NCOR1: variants seen among roughly 807,000 people sequenced by gnomAD.
NCOR1 encodes the protein protein phosphatase 1, regulatory subunit 109.
NCOR1 carries 63 observed loss-of-function variants against 288.1 expected under a neutral mutation model. That is an observed-to-expected ratio of 0.22 (90% CI 0.18 to 0.27). The LOEUF (loss-of-function observed/expected upper bound fraction) is 0.27, where lower values mean the gene tolerates loss of function less well. NCOR1 is among the 10% of genes least tolerant of loss of function. NCOR1 has a pLI of 1.00. For missense variants in NCOR1, 2,397 were observed against 3,019.2 expected, an observed-to-expected ratio of 0.79 and a Z score of 4.83; for synonymous variants, 1,007 against 1,065.9, an observed-to-expected ratio of 0.94 and a Z score of 1.08.
chr17:16,160,993 T>C (rs534911203), intron 5 of NCOR1, among the ~76,000 whole-genome samples: 8 of 152,214 alleles, frequency 5.3e-5, no homozygotes, highest in Non-Finnish European at 7.4e-5. Context: ...ACACTTCCAC[T>C]TTGGAATTAT....
intron 40 of NCOR1, among the ~76,000 whole-genome samples, chr17:16,051,494 C>T (rs2059304233): frequency 6.6e-6 from 1 of 152,176 alleles, no homozygotes; most frequent in Admixed American, 6.5e-5. Flanking sequence ...ACAGCTAAGG[C>T]AGTGTTGACA....
intron 10 of NCOR1, among the ~76,000 whole-genome samples, chr17:16,145,856 G>T (rs992774668): frequency 1.3e-5 from 2 of 152,202 alleles, no homozygotes; most frequent in African/African-American, 2.4e-5. Flanking sequence ...GACTAGAGAG[G>T]GGGGGAAATG....
intron 44 of NCOR1, 78 bp from the exon 45 acceptor site, chr17:16,035,022 C>G: frequency 1.5e-6 from 2 of 1,369,812 alleles, no homozygotes; most frequent in Non-Finnish European, 2.0e-6. Flanking sequence ...TTATATATTG[C>G]TAAATGAAAA....
chr17:16,156,300 G>A (rs776350068), intron 6 of NCOR1, among the ~76,000 whole-genome samples: 7 of 152,034 alleles, frequency 4.6e-5, no homozygotes, highest in Non-Finnish European at 8.8e-5. Context: ...GCTGACTGTG[G>A]TGGCTCACAC....
At chr17:16,132,893 C>T (rs2075858241) in intron 14 of NCOR1, among the ~76,000 whole-genome samples, 1 of 150,272 alleles carries the variant, frequency 6.7e-6, no homozygotes, top group South Asian at 2.1e-4. Flanking sequence ...CCTTCCTTTC[C>T]CTCCTTCCTT....
intron 40 of NCOR1, chr17:16,049,233 A>G (rs2059025748): frequency 7.1e-6 from 2 of 282,712 alleles, no homozygotes; most frequent in Non-Finnish European, 1.3e-5. Flanking sequence ...GAGTCACGTC[A>G]TCAGACAGTG....
chr17:16,186,464 G>C, intron 3 of NCOR1, 90 bp downstream of exon 3: 1 of 1,378,586 alleles, frequency 7.3e-7, no homozygotes, highest in South Asian at 1.5e-5. Context: ...TCATGGCTTG[G>C]TTAATAAAAA....
rs1006204119 is a variant in NCOR1, at chr17:16,054,727, C to T, written c.6392+2787G>A. On this transcript the variant is annotated intron_variant, in intron 40 of 45. Transcript: ENST00000268712. ...GGTAGATCAGCTGAGGTCAGGAGTT[C>T]GAGACCAGCCTGGCCAACATAGTGA... 4.6e-5 allele frequency among the ~76,000 whole-genome samples: 7 copies of T among 151,976 alleles called. No homozygotes were observed. In the South Asian group the frequency reaches 1.0e-3, roughly 23 times the overall value.
chr17:16,069,578 T>C (rs1198963000), intron 31 of NCOR1, among the ~76,000 whole-genome samples: 1 of 152,218 alleles, frequency 6.6e-6, no homozygotes, highest in Non-Finnish European at 1.5e-5. Context: ...ACAACAATAA[T>C]AACAACAGTA....
rs1242300567 is a variant in NCOR1 at position 16,039,491 on chromosome 17, G to A, written c.6897C>T (p.Thr2299=). Residue 2299 remains threonine (T), a synonymous_variant, in exon 44 of 46, where the codon ACC becomes ACT. Coordinates refer to ENST00000268712, the MANE Select transcript of NCOR1 (RefSeq NM_006311.4). The part of the protein sequence containing the change: ...PMGVVPGTAN[T]SVVTSGETRR... ...GTGTCTCACCACTGGTCACAACTGA[G>A]GTGTTGGCAGTACCAGGCACTACTC... 2 of 1,614,060 alleles carry A rather than the reference G, an allele frequency of 1.2e-6. No homozygotes were observed. The highest frequency in any genetic ancestry group is 4.5e-5 in the East Asian group (2 of 44,874).
chr17:16,085,147 A>T (rs1198492925), intron 23 of NCOR1, among the ~76,000 whole-genome samples: 1 of 152,262 alleles, frequency 6.6e-6, no homozygotes, highest in Non-Finnish European at 1.5e-5. Flanking sequence ...TCATAGGTGT[A>T]CAAATGGCCA....
At chr17:16,044,289 T>C (rs1006201031) in intron 42 of NCOR1, among the ~76,000 whole-genome samples, 15 of 152,092 alleles carry the variant, frequency 9.9e-5, no homozygotes, top group Admixed American at 9.2e-4. Flanking sequence ...ACCTAGTAAT[T>C]AAGAGCGAGG....
intron 9 of NCOR1, among the ~76,000 whole-genome samples, chr17:16,148,192 T>C (rs1404121538): frequency 2.6e-5 from 4 of 152,170 alleles, no homozygotes; most frequent in Non-Finnish European, 5.9e-5. Flanking sequence ...TGGCTCTGGC[T>C]TCCCTCAGCA....
rs1295863022 is a variant in NCOR1 at position 16,092,675 on chromosome 17, ATATATATATATATATATATATTT to A, written c.2821-640_2821-618del. Among the ~76,000 whole-genome samples, 8 of 18,210 alleles carry A rather than the reference ATATATATATATATATATATATTT, an allele frequency of 4.4e-4. 1 individual carries two copies. The highest frequency in any genetic ancestry group is 6.4e-4 in the Non-Finnish European group (7 of 10,858). The allele number at this position is 18,210 out of a possible 152,430, so 11.9% of individuals were successfully genotyped here. ...TATATATATATATATATATATATAT[ATATATATATATATATATATATTT>A]TTTTTTTTTTTTTTTTTTAAGACAT... On this transcript the variant is annotated intron_variant, in intron 21 of 45. Transcript: ENST00000268712.
intron 45 of NCOR1, among the ~76,000 whole-genome samples, chr17:16,032,966 G>T (rs999738237): frequency 3.3e-5 from 5 of 152,192 alleles, no homozygotes; most frequent in Non-Finnish European, 7.4e-5. Context: ...ACAAGATTGA[G>T]AAATGAGGTA....
chr17:16,127,820 T>C (rs1223105225), intron 14 of NCOR1, among the ~76,000 whole-genome samples: 1 of 151,490 alleles, frequency 6.6e-6, no homozygotes, highest in African/African-American at 2.4e-5. Flanking sequence ...CTGGGAGTGT[T>C]GGAACATATC....
chr17:16,134,118 G>T lies in NCOR1; in HGVS notation c.1509+3193C>A, dbSNP rs539461615. 4.1e-3 allele frequency among the ~76,000 whole-genome samples: 630 copies of T among 152,188 alleles called. 7 individuals are homozygous for T. Among genetic ancestry groups the T allele is most frequent in the African/African-American group, 0.015 (608 of 41,516 alleles). On this transcript the variant is annotated intron_variant, in intron 14 of 45. Transcript: ENST00000268712. ...ACCCCAGTGGCTTCTTCTCTCACCT[G>T]GTATCAGCTCAAAAGGCCTTCAGTT... is the stretch of plus-strand genomic sequence containing the variant.
rs762318164 is a variant in NCOR1, at chr17:16,065,623, C to T, written c.4813G>A (p.Ala1605Thr). 2 of 1,614,170 alleles carry T rather than the reference C, an allele frequency of 1.2e-6. No homozygotes were observed. The highest frequency in any genetic ancestry group is 1.7e-6 in the Non-Finnish European group (2 of 1,180,034). Reference sequence around the variant, plus strand: ...ATTGTCTGTCTTGTGTTCTCCATTGCGTAAAGCTGATACTGACTTGGGTAA... The same window carrying T: ...ATTGTCTGTCTTGTGTTCTCCATTGTGTAAAGCTGATACTGACTTGGGTAA... The part of the protein sequence containing the change: ...PGYPSQYQLY[A>T]MENTRQTILN... Residue 1605 changes from alanine (A) to threonine (T), a missense_variant, in exon 33 of 46, where the codon GCA becomes ACA. Physicochemically the swap from Ala to Thr is moderately conservative, Grantham distance 58. This residue lies in a region of NCOR1 where 1,872 missense variants were observed against 2,187.8 expected (regional missense o/e 0.86). Transcript: ENST00000268712.
chr17:16,035,329 A>G (rs540405428), intron 44 of NCOR1, among the ~76,000 whole-genome samples: 13 of 152,072 alleles, frequency 8.5e-5, no homozygotes, highest in Non-Finnish European at 1.8e-4. Context: ...TTCTTTATTA[A>G]CTGGGTTTAT....
Sources: gnomAD v4.1 joint callset for allele counts (sites outside exome capture counted in the v4.1 genomes callset) on GRCh38, gnomAD v4.1.1 for gene constraint, gnomAD v4.1.1 regional missense constraint, MANE v1.5 for transcripts, NCBI Gene and HGNC (gene_info 2026-07-23, HGNC 2026-07-21) for gene names.